The following PACRGL variants were observed in gnomAD, a reference collection of about 807,000 sequenced individuals.
PACRGL encodes parkin coregulated like.
In PACRGL, 38 loss-of-function variants were observed where a neutral mutation model predicts 34.5. That is an observed-to-expected ratio of 1.10 (90% CI 0.85 to 1.44). PACRGL has a LOEUF of 1.44. Ranked by LOEUF, PACRGL falls within the 40% of genes most tolerant of loss-of-function variation. The pLI is 0.00. For missense variants in PACRGL, 305 were observed against 281.4 expected, an observed-to-expected ratio of 1.08 and a Z score of -0.60; for synonymous variants, 128 against 100.1, an observed-to-expected ratio of 1.28 and a Z score of -1.66.
intron 1 of PACRGL, among the ~76,000 whole-genome samples, chr4:20,703,528 C>G (rs1733228941): frequency 6.9e-6 from 1 of 144,562 alleles, no homozygotes; most frequent in African/African-American, 2.7e-5. Flanking sequence ...GTGTGTATTT[C>G]TTGCTAGAGA....
At chr4:20,701,852 T>A (rs558916429) in intron 1 of PACRGL, 3 of 456,636 alleles carry the variant, frequency 6.6e-6, no homozygotes, top group Non-Finnish European at 1.3e-5. Context: ...GGAACCCGCA[T>A]ATACGGAGAG....
chr4:20,749,568 C>T (rs1753203953), intron 8 of PACRGL: 1 of 839,952 alleles, frequency 1.2e-6, no homozygotes, highest in South Asian at 1.9e-5. Flanking sequence ...TTTCTTTCCC[C>T]TGAGCAAAAA....
chr4:20,700,850 T>G (rs1049533446), intron 1 of PACRGL, 63 bp downstream of exon 1: 2 of 152,302 alleles, frequency 1.3e-5, no homozygotes, highest in African/African-American at 4.8e-5. Context: ...TTTCTGTGTC[T>G]TCCTCTTTTG....
At chr4:20,742,206 CCT>C (rs1053808808) in intron 8 of PACRGL, among the ~76,000 whole-genome samples, 5 of 152,146 alleles carry the variant, frequency 3.3e-5, no homozygotes, top group African/African-American at 1.2e-4. Context: ...GGGAATCCTC[CCT>C]AACTCATTTT....
At chr4:20,724,232 C>T (rs149188829) in intron 7 of PACRGL, among the ~76,000 whole-genome samples, 8 of 152,056 alleles carry the variant, frequency 5.3e-5, no homozygotes, top group East Asian at 1.9e-4. Flanking sequence ...TTAAGTATGG[C>T]GTGAGACCCA....
chr4:20,732,161 C>T lies in PACRGL; in HGVS notation c.*4820C>T. 1.2e-6 allele frequency: 1 copy of T among 838,566 alleles called. No individual in the cohort carries two copies. The allele number at this position is 838,566 out of a possible 1,614,324, so 51.9% of individuals were successfully genotyped here. A position where few individuals can be genotyped will look rare whatever the true frequency, so the allele number is the denominator to read the frequency against. On this transcript the variant is annotated 3_prime_UTR_variant, in exon 9 of 9. Coordinates refer to ENST00000503585, the MANE Select transcript of PACRGL (RefSeq NM_001258345.3). ...GAGCTGAAGCTGATAAAAAGAAAAC[C>T]TAGCTGCTTATTTATTTCACGTGGA...
intron 7 of PACRGL, among the ~76,000 whole-genome samples, chr4:20,720,861 A>G (rs192888018): frequency 8.2e-4 from 124 of 152,112 alleles, no homozygotes; most frequent in Middle Eastern, 6.8e-3. Flanking sequence ...CCTGAATTTC[A>G]ATGTTGGCCT....
chr4:20,718,695 G>A (rs1741394970), intron 7 of PACRGL: 1 of 152,202 alleles, frequency 6.6e-6, no homozygotes, highest in East Asian at 1.9e-4. Context: ...CTTGGTCATG[G>A]TGGATAAGCT....
At chr4:20,761,257 G>T in the PACRGL span, among the ~76,000 whole-genome samples, 10 of 152,136 alleles carry the variant, frequency 6.6e-5, no homozygotes, top group African/African-American at 2.4e-4. Flanking sequence ...GCTGGCCAAG[G>T]CTCCACAAAG....
At chr4:20,742,234 T>C (rs556730864) in intron 8 of PACRGL, among the ~76,000 whole-genome samples, 2 of 152,300 alleles carry the variant, frequency 1.3e-5, no homozygotes, top group East Asian at 1.9e-4. Context: ...GCCAGCATCA[T>C]CCTGATACCA....
chr4:20,700,093 G>C (rs554513542), upstream of PACRGL, among the ~76,000 whole-genome samples: 13 of 152,276 alleles, frequency 8.5e-5, no homozygotes, highest in East Asian at 2.5e-3. Flanking sequence ...ACAGTCTTCA[G>C]TTCTCCGAGT....
In PACRGL at chr4:20,703,557, T is replaced by C. The variant is rs187490108; in HGVS notation, c.-16-909T>C. On this transcript the variant is annotated intron_variant, in intron 1 of 8. Transcript: ENST00000503585. ...CTAGAGATACAATTGTAGAAATTGA[T>C]TGGATTAGCTGGAAACCTTGGGGTA... Among the ~76,000 whole-genome samples the C allele has an allele frequency of 2.8e-4, 43 of 151,548 alleles. No individual in the cohort carries two copies. In the East Asian group the frequency reaches 3.5e-3, roughly 12 times the overall value.
chr4:20,725,352 T>TAC (rs10584716), intron 8 of PACRGL, among the ~76,000 whole-genome samples: 4,506 of 150,346 alleles, frequency 0.03, 142 homozygotes, highest in African/African-American at 0.075. Flanking sequence ...CCCATAGGTG[T>TAC]ACACACACAC....
chr4:20,756,646 C>A (rs115014052), downstream of PACRGL, among the ~76,000 whole-genome samples: 1 of 151,700 alleles, frequency 6.6e-6, no homozygotes. Flanking sequence ...TCTGCTTGTG[C>A]GCTCCACTCC....
chr4:20,741,568 C>T (rs2149305098), intron 8 of PACRGL, among the ~76,000 whole-genome samples: 1 of 152,292 alleles, frequency 6.6e-6, no homozygotes, highest in South Asian at 2.1e-4. Context: ...ACATTTAAAG[C>T]AGTGTGTAGA....
chr4:20,748,560 T>TTATATA (rs3075750), intron 8 of PACRGL, among the ~76,000 whole-genome samples: 135 of 64,808 alleles, frequency 2.1e-3, no homozygotes, highest in African/African-American at 2.7e-3. Flanking sequence ...CTTCCAAATT[T>TTATATA]TATATATATA....
rs746012200 is a variant in PACRGL, at chr4:20,729,828, T to TATTA, written c.*2488_*2491dup. ...ACCAATAAAACTATATGCCAGATTC[T>TATTA]ATTACTTTTGAATATTCACAGAGTA... On this transcript the variant is annotated 3_prime_UTR_variant, in exon 9 of 9. Coordinates refer to ENST00000503585, the MANE Select transcript of PACRGL (RefSeq NM_001258345.3). The TATTA allele has an allele frequency of 2.8e-4, 104 of 366,310 alleles. No individual in the cohort carries two copies. Among genetic ancestry groups the TATTA allele is most frequent in the African/African-American group, 1.2e-3 (57 of 47,936 alleles). The allele number at this position is 366,310 out of a possible 1,614,324, so 22.7% of individuals were successfully genotyped here.
In PACRGL at chr4:20,729,304, T is replaced by TTCCACTTAATGATTGATAC. The variant is rs1479029414; in HGVS notation, c.*1965_*1983dup. The TTCCACTTAATGATTGATAC allele has an allele frequency of 6.6e-6, 1 of 152,026 alleles. No homozygotes were observed. The highest frequency in any genetic ancestry group is 2.0e-4 in the East Asian group (1 of 5,038). The allele number at this position is 152,026 out of a possible 1,614,324, so 9.4% of individuals were successfully genotyped here. A position where few individuals can be genotyped will look rare whatever the true frequency, so the allele number is the denominator to read the frequency against. On this transcript the variant is annotated 3_prime_UTR_variant, in exon 9 of 9. Transcript: ENST00000503585. ...TGTTTTGTTTGATGCCTTCTTCAAC[T>TTCCACTTAATGATTGATAC]TCCACTTAATGATTGATACTAATGA...
the PACRGL span, among the ~76,000 whole-genome samples, chr4:20,758,322 C>T: frequency 2.6e-5 from 4 of 152,066 alleles, no homozygotes; most frequent in African/African-American, 4.8e-5. Flanking sequence ...GAAAGAGGAA[C>T]AGCAGAAAAT....
Sources: gnomAD v4.1 joint callset for allele counts (sites outside exome capture counted in the v4.1 genomes callset) on GRCh38, gnomAD v4.1.1 for gene constraint, MANE v1.5 for transcripts, NCBI Gene and HGNC (gene_info 2026-07-23, HGNC 2026-07-21) for gene names.